TGFBR3: variants seen among roughly 807,000 people sequenced by gnomAD.
TGFBR3 encodes the protein transforming growth factor beta receptor type 3.
Under a neutral mutation model 87.9 loss-of-function variants are expected in TGFBR3, and 46 were observed. That is an observed-to-expected ratio of 0.52 (90% confidence interval 0.41 to 0.67). The LOEUF (loss-of-function observed/expected upper bound fraction) is 0.67. TGFBR3 is among the 30% of genes least tolerant of loss of function. The pLI is 0.00. For synonymous variants in TGFBR3, 381 were observed against 391.6 expected (o/e 0.97, Z 0.32); for missense variants, 866 against 1,041.9 (o/e 0.83, Z 2.32).
intron 14 of TGFBR3, among the ~76,000 whole-genome samples, chr1:91,702,781 A>G (rs1349934143): frequency 6.6e-6 from 1 of 152,222 alleles, no homozygotes; most frequent in East Asian, 1.9e-4. Flanking sequence ...GCGGTGGCTC[A>G]GGCCTGTAAT....
intron 4 of TGFBR3, among the ~76,000 whole-genome samples, 154 bp downstream of exon 4, chr1:91,758,459 T>C (rs1240217929): frequency 6.6e-6 from 1 of 152,190 alleles, no homozygotes; most frequent in East Asian, 1.9e-4. Context: ...TATGTCATCA[T>C]CCAAATATCA....
At chr1:91,834,396 G>T (rs1676981681) in intron 2 of TGFBR3, among the ~76,000 whole-genome samples, 1 of 152,210 alleles carries the variant, frequency 6.6e-6, no homozygotes, top group African/African-American at 2.4e-5. Flanking sequence ...CCTATCCTCT[G>T]ACAGGTTCCC....
intron 3 of TGFBR3, among the ~76,000 whole-genome samples, chr1:91,785,783 T>C (rs1000194335): frequency 1.3e-5 from 2 of 151,782 alleles, no homozygotes; most frequent in African/African-American, 4.8e-5. Context: ...TTTTTTTTTT[T>C]TTTAGACAGC....
chr1:91,816,946 A>G (rs1156358226), intron 2 of TGFBR3, among the ~76,000 whole-genome samples: 1 of 152,210 alleles, frequency 6.6e-6, no homozygotes, highest in Non-Finnish European at 1.5e-5. Context: ...ATGTCACCAT[A>G]TATGAATTCA....
intron 2 of TGFBR3, among the ~76,000 whole-genome samples, chr1:91,808,271 A>AT (rs1051611692): frequency 1.3e-5 from 2 of 152,150 alleles, no homozygotes; most frequent in Non-Finnish European, 2.9e-5. Context: ...CTTTAAAAAA[A>AT]TTTTTTTAAT....
At chr1:91,724,781 C>T (rs1429889831) in intron 7 of TGFBR3, among the ~76,000 whole-genome samples, 1 of 152,150 alleles carries the variant, frequency 6.6e-6, no homozygotes, top group African/African-American at 2.4e-5. Context: ...AAACCACCAC[C>T]ATCTTTCCCA....
chr1:91,799,069 C>G (rs191188915), intron 2 of TGFBR3, among the ~76,000 whole-genome samples: 1 of 152,272 alleles, frequency 6.6e-6, no homozygotes, highest in East Asian at 1.9e-4. Flanking sequence ...ATAGAACCCA[C>G]GAAAAAGGCC....
chr1:91,847,506 G>A (rs150816528), intron 2 of TGFBR3, among the ~76,000 whole-genome samples: 1,530 of 151,506 alleles, frequency 0.01, 27 homozygotes, highest in African/African-American at 0.033. Flanking sequence ...GGGAGGCTGA[G>A]GCAGGAGAAT....
chr1:91,690,453 T>C (rs1671227882), intron 16 of TGFBR3, among the ~76,000 whole-genome samples: 1 of 152,130 alleles, frequency 6.6e-6, no homozygotes, highest in African/African-American at 2.4e-5. Flanking sequence ...GGGCTTCTTT[T>C]GCTCAGCCTA....
intron 1 of TGFBR3, among the ~76,000 whole-genome samples, chr1:91,882,675 G>A (rs1679140620): frequency 6.6e-6 from 1 of 152,124 alleles, no homozygotes; most frequent in Admixed American, 6.5e-5. Context: ...AACCTGGGAG[G>A]TGGAGCTTGC....
chr1:91,783,114 C>G (rs774739861), intron 3 of TGFBR3: 1 of 152,212 alleles, frequency 6.6e-6, no homozygotes, highest in African/African-American at 2.4e-5. Context: ...GACCTTGGAT[C>G]CTAAAGCTGG....
intron 2 of TGFBR3, among the ~76,000 whole-genome samples, chr1:91,820,323 G>A (rs758864891): frequency 3.3e-5 from 5 of 152,042 alleles, no homozygotes; most frequent in South Asian, 2.1e-4. Flanking sequence ...CAACATCACT[G>A]TTATGGTACT....
At chr1:91,861,173 G>A (rs553703867) in intron 2 of TGFBR3, among the ~76,000 whole-genome samples, 2 of 152,042 alleles carry the variant, frequency 1.3e-5, no homozygotes, top group South Asian at 2.1e-4. Context: ...AGGCCAAGAA[G>A]AGAGGATCAC....
Position 91,727,741 on chromosome 1 carries a change from T to C in TGFBR3, c.803A>G (p.Asn268Ser). Residue 268 changes from asparagine to serine, a missense_variant, in exon 7 of 17, where the codon AAT becomes AGT. By Grantham distance (46) the Asn-to-Ser change is conservative. Coordinates refer to ENST00000212355, the MANE Select transcript of TGFBR3 (RefSeq NM_003243.5). ...PSQEDLEVVK[N>S]LILILKCKKS... ...TTTGCACTTCAAGATCAGGATGAGA[T>C]TTTTGACCACTTCAAGATCCTCTTG... The C allele has an allele frequency of 6.2e-7, 1 of 1,614,116 alleles. No homozygotes were observed. Among genetic ancestry groups the C allele is most frequent in the South Asian group, 1.1e-5 (1 of 91,084 alleles).
At chr1:91,904,396 A>G (rs1448043916) in intron 1 of TGFBR3, among the ~76,000 whole-genome samples, 1 of 148,582 alleles carries the variant, frequency 6.7e-6, no homozygotes, top group Non-Finnish European at 1.5e-5. Context: ...TGAGCACATT[A>G]CTAAACCTAA....
At chr1:91,813,603 C>T (rs1161928435) in intron 2 of TGFBR3, among the ~76,000 whole-genome samples, 2 of 152,204 alleles carry the variant, frequency 1.3e-5, no homozygotes, top group Non-Finnish European at 2.9e-5. Flanking sequence ...TGCCAGCAAG[C>T]ACTGTTCATA....
At chr1:91,795,606 G>C (rs1675352172) in intron 3 of TGFBR3, among the ~76,000 whole-genome samples, 2 of 152,334 alleles carry the variant, frequency 1.3e-5, no homozygotes, top group South Asian at 4.1e-4. Context: ...TTCTGTAACA[G>C]CTTGGACTTT....
chr1:91,879,067 G>C (rs569253799), intron 1 of TGFBR3, among the ~76,000 whole-genome samples: 66 of 152,072 alleles, frequency 4.3e-4, no homozygotes, highest in African/African-American at 1.6e-3. Flanking sequence ...CCAGAAGTTC[G>C]AGACCAGCCT....
intron 4 of TGFBR3, among the ~76,000 whole-genome samples, chr1:91,741,625 T>C (rs1382576133): frequency 6.6e-6 from 1 of 152,108 alleles, no homozygotes; most frequent in African/African-American, 2.4e-5. Flanking sequence ...CCAGAGGCTA[T>C]CCAGGAGCCC....
Sources: allele counts gnomAD v4.1 joint callset (sites outside exome capture counted in the v4.1 genomes callset), GRCh38; gene constraint gnomAD v4.1.1; transcripts MANE v1.5; gene names NCBI Gene and HGNC (gene_info 2026-07-23, HGNC 2026-07-21).